Variants in SPEF2 observed in about 807,000 individuals in gnomAD.
The protein encoded by SPEF2 is sperm flagella and cilia-associated protein 2.
A neutral mutation model predicts 224.6 loss-of-function variants in SPEF2; 187 were observed. The ratio of observed to expected loss-of-function variants is 0.83; its 90% CI spans 0.74 to 0.94. SPEF2 has a LOEUF of 0.94. Ranked by LOEUF, SPEF2 falls within the 40% of genes least tolerant of loss-of-function variation. The pLI, the probability that SPEF2 is intolerant of heterozygous loss-of-function variation, is 0.00. For missense variants in SPEF2, 2,170 were observed against 2,135.6 expected (o/e 1.02, Z -0.32); for synonymous variants, 715 against 707.3 (o/e 1.01, Z -0.17).
intron 1 of SPEF2, among the ~76,000 whole-genome samples, chr5:35,618,509 C>G (rs1325523085): frequency 6.6e-6 from 1 of 152,204 alleles, no homozygotes; most frequent in African/African-American, 2.4e-5. Flanking sequence ...TATGAAGCCA[C>G]TGGACAAGTT....
chr5:35,754,462 C>T (rs1026685131), intron 24 of SPEF2, among the ~76,000 whole-genome samples: 3 of 152,252 alleles, frequency 2.0e-5, no homozygotes, highest in Admixed American at 6.5e-5. Flanking sequence ...CAACTTTCTA[C>T]GAACTTCATC....
Position 35,771,734 on chromosome 5 carries a change from A to C in SPEF2, c.3927A>C (p.Lys1309Asn), listed in dbSNP as rs377531929. 206 of 1,591,856 alleles carry C rather than the reference A, an allele frequency of 1.3e-4. No homozygotes were observed. The highest frequency in any genetic ancestry group is 1.6e-4 in the Non-Finnish European group (185 of 1,174,680). ...KKVKKEPPKKKQEDKKPKGKS... is the reference protein window; with the variant it reads ...KKVKKEPPKKNQEDKKPKGKS... ...TCAAAAAGGAGCCACCCAAGAAAAA[A>C]CAGGAAGACAAAAAACCCAAAGGTA... Residue 1309 changes from lysine to asparagine, a missense_variant, in exon 27 of 37, where the codon AAA becomes AAC. Transcript: ENST00000356031.
intron 23 of SPEF2, among the ~76,000 whole-genome samples, chr5:35,744,163 T>C (rs1327974144): frequency 1.3e-5 from 2 of 152,250 alleles, no homozygotes; most frequent in Non-Finnish European, 2.9e-5. Context: ...GTATCTCTAG[T>C]AAGCACCACA....
intron 24 of SPEF2, 34 bp downstream of exon 24, chr5:35,753,795 T>G (rs1750041864): frequency 6.2e-7 from 1 of 1,612,870 alleles, no homozygotes; most frequent in Non-Finnish European, 8.5e-7. Flanking sequence ...CCCAGGCACT[T>G]CCCTTCACAG....
chr5:35,708,361 C>T (rs1367903944), intron 18 of SPEF2, among the ~76,000 whole-genome samples: 1 of 152,052 alleles, frequency 6.6e-6, no homozygotes, highest in Non-Finnish European at 1.5e-5. Flanking sequence ...CGTCTTTTTA[C>T]ACTTGTTCAC....
chr5:35,813,189 C>T (rs997037977), intron 36 of SPEF2, among the ~76,000 whole-genome samples: 4 of 152,110 alleles, frequency 2.6e-5, no homozygotes, highest in Admixed American at 1.3e-4. Flanking sequence ...ATAAAGAAGA[C>T]ATGTTATTAG....
intron 20 of SPEF2, among the ~76,000 whole-genome samples, chr5:35,716,733 G>T (rs1257867149): frequency 6.6e-6 from 1 of 152,026 alleles, no homozygotes; most frequent in Admixed American, 6.6e-5. Context: ...TGAAAGAAAT[G>T]ATTTTATTTC....
At chr5:35,776,975 T>G (rs974885636) in intron 29 of SPEF2, among the ~76,000 whole-genome samples, 2 of 152,174 alleles carry the variant, frequency 1.3e-5, no homozygotes, top group Admixed American at 1.3e-4. Flanking sequence ...GAGTCATGAT[T>G]GTCCAGACCA....
At chr5:35,813,592 C>T (rs1226334860) in intron 36 of SPEF2, among the ~76,000 whole-genome samples, 2 of 152,164 alleles carry the variant, frequency 1.3e-5, no homozygotes, top group African/African-American at 4.8e-5. Context: ...TAGCATTGAC[C>T]TTTGGCTTTA....
At chr5:35,649,221 AT>A in intron 5 of SPEF2, 139 bp from the exon 6 acceptor site, 1 of 644,130 alleles carries the variant, frequency 1.6e-6, no homozygotes, top group Non-Finnish European at 2.5e-6. Context: ...TATAAAAAAA[AT>A]TTTTAGAATG....
At chr5:35,672,997 A>G (rs930663333) in intron 10 of SPEF2, among the ~76,000 whole-genome samples, 8 of 152,204 alleles carry the variant, frequency 5.3e-5, no homozygotes, top group African/African-American at 1.7e-4. Context: ...TTCCTAAATC[A>G]TCACACTCTA....
At chr5:35,709,531 G>A (rs1202684163) in intron 19 of SPEF2, 2 of 988,274 alleles carry the variant, frequency 2.0e-6, no homozygotes, top group African/African-American at 3.5e-5. Context: ...ACCAGAATAA[G>A]GGAACAAATT....
intron 30 of SPEF2, among the ~76,000 whole-genome samples, chr5:35,780,335 C>T (rs958367064): frequency 6.6e-6 from 1 of 152,176 alleles, no homozygotes; most frequent in Non-Finnish European, 1.5e-5. Context: ...AGTCCGAAAG[C>T]TTCCTTGCCA....
At chr5:35,661,182 C>T (rs1431106144) in intron 8 of SPEF2, among the ~76,000 whole-genome samples, 1 of 146,742 alleles carries the variant, frequency 6.8e-6, no homozygotes, top group Admixed American at 6.9e-5. Context: ...AAACAAAATC[C>T]ATTTTATTCC....
intron 10 of SPEF2, 81 bp from the exon 11 acceptor site, chr5:35,690,956 T>G: frequency 8.7e-7 from 1 of 1,155,288 alleles, no homozygotes; most frequent in Non-Finnish European, 1.2e-6. Flanking sequence ...AATTTGGATT[T>G]ACTTTTAACA....
intron 27 of SPEF2, among the ~76,000 whole-genome samples, chr5:35,772,505 G>GT (rs1753001022): frequency 2.0e-5 from 3 of 152,246 alleles, no homozygotes; most frequent in Admixed American, 2.0e-4. Flanking sequence ...GATAGGGGAG[G>GT]TACAAGTACC....
intron 2 of SPEF2, among the ~76,000 whole-genome samples, chr5:35,633,252 TGTTGA>T (rs1471275257): frequency 5.9e-5 from 9 of 152,128 alleles, no homozygotes; most frequent in Non-Finnish European, 1.0e-4. Context: ...AAATTATTCT[TGTTGA>T]GTTGTCTATT....
chr5:35,710,135 T>TA, intron 19 of SPEF2: 1 of 985,372 alleles, frequency 1.0e-6, no homozygotes, highest in Non-Finnish European at 1.2e-6. Context: ...AAAATGTTTT[T>TA]ATCATGTCAA....
At chr5:35,751,042 T>TGTGTATATATATACGTGTATATATATAC (rs1749431661) in intron 23 of SPEF2, among the ~76,000 whole-genome samples, 1 of 31,364 alleles carries the variant, frequency 3.2e-5, no homozygotes, top group African/African-American at 8.6e-5. Flanking sequence ...TATACACATA[T>TGTGTATATATATACGTGTATATATATAC]GTATATATAT....
Sources: allele counts gnomAD v4.1 joint callset (sites outside exome capture counted in the v4.1 genomes callset), GRCh38; gene constraint gnomAD v4.1.1; transcripts MANE v1.5; gene names NCBI Gene and HGNC (gene_info 2026-07-23, HGNC 2026-07-21).